The following MIB1 variants were observed in gnomAD, a reference collection of about 807,000 sequenced individuals.
The protein encoded by MIB1 is MIB E3 ubiquitin protein ligase 1.
Under a neutral mutation model 124.5 loss-of-function variants are expected in MIB1, and 278 were observed. The observed-to-expected ratio is 2.23, with a 90% CI of 2.02 to 2.47. The LOEUF (loss-of-function observed/expected upper bound fraction) is 2.47, where lower values mean the gene tolerates loss of function less well. MIB1 is among the 30% of genes most tolerant of loss of function. The pLI is 0.00. For synonymous variants in MIB1, 446 were observed against 429.4 expected (o/e 1.04, Z -0.48); for missense variants, 957 against 1,254.4 (o/e 0.76, Z 3.58).
At chr18:21,771,223 C>G (rs2041221106) in intron 3 of MIB1, among the ~76,000 whole-genome samples, 1 of 152,112 alleles carries the variant, frequency 6.6e-6, no homozygotes, top group Non-Finnish European at 1.5e-5. Flanking sequence ...ACTTTGTTTC[C>G]TCCTCAATAA....
At chr18:21,793,812 A>AAG (rs2041539151) in intron 7 of MIB1, 18 of 140,626 alleles carry the variant, frequency 1.3e-4, no homozygotes, top group Admixed American at 2.2e-4. Flanking sequence ...AAAAAAAAAA[A>AAG]GGCATATCAG....
intron 4 of MIB1, among the ~76,000 whole-genome samples, chr18:21,776,143 C>G (rs2041282531): frequency 6.6e-6 from 1 of 151,844 alleles, no homozygotes; most frequent in Non-Finnish European, 1.5e-5. Context: ...TGGTTTGCAC[C>G]TGTAGTCGCA....
At chr18:21,798,655 A>G (rs754780903) in intron 8 of MIB1, among the ~76,000 whole-genome samples, 3 of 152,056 alleles carry the variant, frequency 2.0e-5, no homozygotes, top group Admixed American at 1.3e-4. Context: ...ATATTTTTAC[A>G]TATCAGTTAT....
chr18:21,724,963 C>T (rs111505288), intron 1 of MIB1, among the ~76,000 whole-genome samples: 66 of 147,830 alleles, frequency 4.5e-4, no homozygotes, highest in Non-Finnish European at 7.0e-4. Context: ...GGCATGGTTG[C>T]GGGCGCCTGT....
chr18:21,740,320 C>T (rs2040830286), upstream of MIB1, among the ~76,000 whole-genome samples: 1 of 152,184 alleles, frequency 6.6e-6, no homozygotes, highest in South Asian at 2.1e-4. Flanking sequence ...TGCATAAAGT[C>T]AAGACACACC....
upstream of MIB1, among the ~76,000 whole-genome samples, chr18:21,739,738 C>T (rs561568045): frequency 3.8e-4 from 57 of 151,956 alleles, 1 homozygote; most frequent in South Asian, 4.0e-3. Flanking sequence ...ACTGCCCCCC[C>T]GCTCATCTCT....
intron 13 of MIB1, among the ~76,000 whole-genome samples, chr18:21,840,657 ATATATATATTT>A (rs1245379650): frequency 6.0e-4 from 1 of 1,680 alleles, no homozygotes; most frequent in African/African-American, 1.6e-3. Context: ...ATATATATAT[ATATATATATTT>A]TTTTTTTTTT....
intron 11 of MIB1, among the ~76,000 whole-genome samples, chr18:21,817,320 T>C (rs1389360757): frequency 6.6e-6 from 1 of 151,906 alleles, no homozygotes; most frequent in Non-Finnish European, 1.5e-5. Flanking sequence ...GGCTAATTTT[T>C]TGTAGAAATG....
At chr18:21,761,946 C>T (rs1438319237) in intron 1 of MIB1, among the ~76,000 whole-genome samples, 2 of 79,224 alleles carry the variant, frequency 2.5e-5, no homozygotes, top group Non-Finnish European at 5.2e-5. Flanking sequence ...ATCTGGAAAC[C>T]CCCACCAAAC....
chr18:21,838,258 AAG>A (rs1255668679), intron 12 of MIB1, 105 bp from the exon 13 acceptor site: 1 of 681,284 alleles, frequency 1.5e-6, no homozygotes, highest in Non-Finnish European at 2.3e-6. Flanking sequence ...ATTTGTCTCT[AAG>A]AGCATTTTTT....
chr18:21,735,932 G>A (rs915318326), upstream of MIB1, among the ~76,000 whole-genome samples: 1 of 152,204 alleles, frequency 6.6e-6, no homozygotes, highest in Non-Finnish European at 1.5e-5. Flanking sequence ...TGGGGGAAGG[G>A]GCAGTTGTGG....
In MIB1 at chr18:21,759,060, A is replaced by G. The variant is rs373094139; in HGVS notation, c.230-6712A>G. On this transcript the variant is annotated intron_variant, in intron 1 of 20. Transcript: ENST00000261537. ...CTAATAACATTTGAACACCCTTTGT[A>G]GTATTTCTCACTTGCATTCTTTCCC... 1.1e-4 allele frequency among the ~76,000 whole-genome samples: 16 copies of G among 152,230 alleles called. No homozygotes were observed. The East Asian group carries it at 2.1e-3, about 20-fold the overall frequency.
chr18:21,853,264 A>G (rs1331270274), intron 18 of MIB1, 46 bp downstream of exon 18: 2 of 1,382,496 alleles, frequency 1.4e-6, no homozygotes, highest in South Asian at 1.2e-5. Flanking sequence ...TAAAAATAGA[A>G]AGTGAAACAA....
intron 13 of MIB1, 115 bp downstream of exon 13, chr18:21,838,612 A>G: frequency 2.7e-6 from 2 of 727,966 alleles, no homozygotes; most frequent in Non-Finnish European, 4.3e-6. Flanking sequence ...TTCCAGTAAA[A>G]CCTCATGATG....
In MIB1 at chr18:21,741,745, C is replaced by A; in HGVS notation, c.162C>A (p.Asn54Lys). ...SPEEVVVVWDNGTAANYRCSG... is the reference protein window; with the variant it reads ...SPEEVVVVWDKGTAANYRCSG... Reference sequence around the variant, plus strand: ...AGGAGGTGGTGGTAGTGTGGGACAACGGCACAGCTGCCAACTACCGCTGCT... The same window carrying A: ...AGGAGGTGGTGGTAGTGTGGGACAAAGGCACAGCTGCCAACTACCGCTGCT... Residue 54 changes from asparagine (N) to lysine (K), a missense_variant, in exon 1 of 21, where the codon AAC (asparagine) becomes AAA (lysine). Transcript: ENST00000261537. The surrounding 1 kb of genome is among the most constrained non-coding windows in gnomAD (Gnocchi z 5.4). 1 of 1,611,134 alleles carries A rather than the reference C, an allele frequency of 6.2e-7. No individual in the cohort carries two copies. The highest frequency in any genetic ancestry group is 1.1e-5 in the South Asian group (1 of 90,666).
chr18:21,755,452 C>T (rs1420923367), intron 1 of MIB1, among the ~76,000 whole-genome samples: 1 of 152,054 alleles, frequency 6.6e-6, no homozygotes, highest in Non-Finnish European at 1.5e-5. Flanking sequence ...CTGCCTCAGC[C>T]TCCTGAGTAG....
At chr18:21,727,967 A>G (rs890499555) in intron 1 of MIB1, among the ~76,000 whole-genome samples, 1 of 152,202 alleles carries the variant, frequency 6.6e-6, no homozygotes, top group Non-Finnish European at 1.5e-5. Flanking sequence ...GACTGTGAGC[A>G]GAGAACCCAG....
At chr18:21,754,957 A>T (rs1378012390) in intron 1 of MIB1, among the ~76,000 whole-genome samples, 1 of 152,154 alleles carries the variant, frequency 6.6e-6, no homozygotes, top group Non-Finnish European at 1.5e-5. Context: ...AGTATTTCTG[A>T]CAACAACGAA....
chr18:21,801,045 A>G (rs1008296972), intron 9 of MIB1, among the ~76,000 whole-genome samples: 48 of 152,260 alleles, frequency 3.2e-4, no homozygotes, highest in African/African-American at 1.1e-3. Flanking sequence ...ATTTAAAGGA[A>G]AATACAGTTC....
Sources: gnomAD v4.1 joint callset for allele counts (sites outside exome capture counted in the v4.1 genomes callset) on GRCh38, gnomAD v4.1.1 for gene constraint, Gnocchi (gnomAD v3.1) non-coding constraint, MANE v1.5 for transcripts, NCBI Gene and HGNC (gene_info 2026-07-23, HGNC 2026-07-21) for gene names.